MON2: variants seen among roughly 807,000 people sequenced by gnomAD.
MON2 encodes the protein MON2 regulator of endosome-to-Golgi trafficking, also known as protein MON2 homolog.
MON2 carries 84 observed loss-of-function variants against 208.6 expected under a neutral mutation model. The ratio of observed to expected loss-of-function variants is 0.40; its 90% CI spans 0.34 to 0.48. The LOEUF (loss-of-function observed/expected upper bound fraction) is 0.48, where lower values mean the gene tolerates loss of function less well. MON2 is among the 20% of genes least tolerant of loss of function. The probability of loss-of-function intolerance (pLI) is 0.59; values close to 1 mark genes in which losing one functional copy is unlikely to be tolerated. For missense variants in MON2, 1,611 were observed against 2,015.4 expected, an observed-to-expected ratio of 0.80 and a Z score of 3.84; for synonymous variants, 660 against 694.0, an observed-to-expected ratio of 0.95 and a Z score of 0.77.
chr12:62,555,901 T>C, intron 24 of MON2, 93 bp from the exon 25 acceptor site: 1 of 946,528 alleles, frequency 1.1e-6, no homozygotes, highest in Non-Finnish European at 1.6e-6. Flanking sequence ...ATATTTTTTG[T>C]AACAATTTGT....
At chr12:62,502,158 T>A (rs1247560041) in intron 7 of MON2, among the ~76,000 whole-genome samples, 1 of 152,042 alleles carries the variant, frequency 6.6e-6, no homozygotes, top group East Asian at 1.9e-4. Flanking sequence ...AGGCAGAGGT[T>A]GCGGTGAGCC....
chr12:62,514,065 C>G (rs1029819146), intron 8 of MON2, among the ~76,000 whole-genome samples: 3 of 123,836 alleles, frequency 2.4e-5, no homozygotes, highest in Non-Finnish European at 3.7e-5. Flanking sequence ...GCTGCCAGTC[C>G]CTTTGCTAAA....
intron 32 of MON2, among the ~76,000 whole-genome samples, chr12:62,580,774 T>C (rs2136456356): frequency 6.6e-6 from 1 of 152,276 alleles, no homozygotes; most frequent in East Asian, 1.9e-4. Flanking sequence ...AAGTTACCAG[T>C]TTTGTGAAGT....
intron 34 of MON2, among the ~76,000 whole-genome samples, chr12:62,592,336 C>A (rs751068125): frequency 6.6e-6 from 1 of 152,082 alleles, no homozygotes; most frequent in African/African-American, 2.4e-5. Context: ...AATTGAAATA[C>A]CATTTAAAAT....
intron 1 of MON2, among the ~76,000 whole-genome samples, chr12:62,476,333 A>AT (rs536591816): frequency 2.2e-4 from 33 of 151,840 alleles, no homozygotes; most frequent in South Asian, 1.5e-3. Context: ...GGGTCTTTTG[A>AT]TTTTACCTGA....
Position 62,549,785 on chromosome 12 carries a change from C to T in MON2, c.2871C>T (p.Leu957=). 6.2e-7 allele frequency: 1 copy of T among 1,611,510 alleles called. No individual in the cohort carries two copies. Among genetic ancestry groups the T allele is most frequent in the East Asian group, 2.2e-5 (1 of 44,786 alleles). ...IVVDVAGSFG[L]HNQELNISLT... is the part of the protein sequence containing the mutation. ...TAGATGTTGCAGGTAGCTTTGGCCT[C>T]CATAACCAAGAACTCAATATTAGTT... Residue 957 remains leucine (L), a synonymous_variant, in exon 23 of 35, where the codon CTC becomes CTT. Transcript: ENST00000393630.
intron 19 of MON2, among the ~76,000 whole-genome samples, chr12:62,541,752 C>G (rs547245052): frequency 1.3e-5 from 2 of 152,064 alleles, no homozygotes; most frequent in Non-Finnish European, 2.9e-5. Flanking sequence ...AGTGCAAATG[C>G]GAGGGCCACA....
Position 62,585,442 on chromosome 12 carries a change from A to G in MON2, c.4848A>G (p.Gln1616=). ...TCTCAGTGCTTTTAAAGAGGTCCCA[A>G]GATGTACTACATCGCTATATAGAGG... ...MALSVLLKRS[Q]DVLHRYIEDE... The change falls in exon 33 of 35, where the codon CAA becomes CAG. Residue 1616 remains glutamine, a synonymous_variant. Coordinates refer to ENST00000393630, the MANE Select transcript of MON2 (RefSeq NM_015026.3). The G allele has an allele frequency of 6.2e-7, 1 of 1,613,714 alleles. No individual in the cohort carries two copies. Among genetic ancestry groups the G allele is most frequent in the South Asian group, 1.1e-5 (1 of 91,078 alleles).
intron 1 of MON2, among the ~76,000 whole-genome samples, chr12:62,469,433 T>C (rs2135936143): frequency 6.6e-6 from 1 of 152,338 alleles, no homozygotes; most frequent in Non-Finnish European, 1.5e-5. Flanking sequence ...TTTGAGATAA[T>C]AGCAAAAGTA....
At chr12:62,481,267 C>T (rs530758672) in intron 1 of MON2, among the ~76,000 whole-genome samples, 46 of 152,258 alleles carry the variant, frequency 3.0e-4, no homozygotes, top group African/African-American at 1.1e-3. Context: ...TGGCTCACGC[C>T]TGTAATCCCA....
At chr12:62,541,198 A>G (rs1238868231) in intron 19 of MON2, among the ~76,000 whole-genome samples, 1 of 152,088 alleles carries the variant, frequency 6.6e-6, no homozygotes, top group African/African-American at 2.4e-5. Context: ...CCTGGCCAAC[A>G]TAGGGAACCT....
chr12:62,595,083 C>A lies in MON2; in HGVS notation c.*2334C>A, dbSNP rs1455128235. ...TTTTATGGCACAATTGAGTCTATAACCAGCCCTTTAAGCAGTAGTAAAAAT... is the reference window on the plus strand; with the variant it reads ...TTTTATGGCACAATTGAGTCTATAAACAGCCCTTTAAGCAGTAGTAAAAAT... On this transcript the variant is annotated 3_prime_UTR_variant, in exon 35 of 35. Transcript: ENST00000393630. The A allele has an allele frequency of 6.6e-6, 1 of 151,904 alleles. No individual in the cohort carries two copies. The highest frequency in any genetic ancestry group is 1.5e-5 in the Non-Finnish European group (1 of 67,990). 9.4% of individuals were successfully genotyped at this position (151,904 alleles called of 1,614,324 possible).
At chr12:62,512,400 G>C (rs1347997615) in intron 8 of MON2, among the ~76,000 whole-genome samples, 1 of 152,174 alleles carries the variant, frequency 6.6e-6, no homozygotes, top group Non-Finnish European at 1.5e-5. Context: ...GGAGAAACTT[G>C]CCAAAACAAA....
intron 4 of MON2, 82 bp from the exon 5 acceptor site, chr12:62,498,837 C>T: frequency 7.2e-7 from 1 of 1,381,456 alleles, no homozygotes; most frequent in Non-Finnish European, 9.6e-7. Context: ...GTGATTGAAA[C>T]AACCAAACAT....
chr12:62,576,408 C>T lies in MON2; in HGVS notation c.4515-2037C>T, dbSNP rs963832779. 3.3e-5 allele frequency among the ~76,000 whole-genome samples: 5 copies of T among 151,862 alleles called. No homozygotes were observed. The South Asian group carries it at 8.3e-4, about 25-fold the overall frequency. On this transcript the variant is annotated intron_variant, in intron 30 of 34. Transcript: ENST00000393630. ...ATTAGAAATGGTGATGGTTGTACAACTTTATGAATATACTAAGGAACACTA... is the reference window on the plus strand; with the variant it reads ...ATTAGAAATGGTGATGGTTGTACAATTTTATGAATATACTAAGGAACACTA...
intron 23 of MON2, among the ~76,000 whole-genome samples, chr12:62,550,703 C>T (rs1227305208): frequency 6.6e-6 from 1 of 152,082 alleles, no homozygotes; most frequent in Admixed American, 6.6e-5. Flanking sequence ...TTTCTTAAAC[C>T]TCATGAACTA....
rs1471437849 is a variant in MON2, at chr12:62,469,214, A to G, written c.111+1896A>G. On this transcript the variant is annotated intron_variant, in intron 1 of 34. Transcript: ENST00000393630. The stretch of plus-strand genomic sequence containing the variant: ...CACCTCTGGCTCCCAAAGTGCTGGG[A>G]TTACAGGTGTGAACCACCATGCCCA... 2.8e-5 allele frequency among the ~76,000 whole-genome samples: 4 copies of G among 145,400 alleles called. No individual in the cohort carries two copies. In the Admixed American group the frequency reaches 2.9e-4, roughly 10 times the overall value.
At chr12:62,549,455 A>C (rs2073645426) in intron 22 of MON2, among the ~76,000 whole-genome samples, 1 of 109,794 alleles carries the variant, frequency 9.1e-6, no homozygotes, top group Admixed American at 9.8e-5. Context: ...CCCTGTCTCC[A>C]CAAAAAAAAA....
Position 62,543,150 on chromosome 12 carries a change from G to T in MON2, c.2418G>T (p.Met806Ile). 1 of 1,576,362 alleles carries T rather than the reference G, an allele frequency of 6.3e-7. No homozygotes were observed. Among genetic ancestry groups the T allele is most frequent in the Non-Finnish European group, 8.6e-7 (1 of 1,166,046 alleles). Residue 806 changes from methionine to isoleucine, a missense_variant, in exon 20 of 35, where the codon ATG (methionine) becomes ATT (isoleucine). Physicochemically the swap from Met to Ile is conservative, Grantham distance 10. Transcript: ENST00000393630. ...TGTTAGAAACTGGTTTAGTTAATAT[G>T]CACCGAATAGAAATTCTGTGGAGAC... ...AKLLETGLVN[M>I]HRIEILWRPL...
Sources: gnomAD v4.1 joint callset for allele counts (sites outside exome capture counted in the v4.1 genomes callset) on GRCh38, gnomAD v4.1.1 for gene constraint, MANE v1.5 for transcripts, NCBI Gene and HGNC (gene_info 2026-07-23, HGNC 2026-07-21) for gene names.